The following TMEM45A variants were observed in gnomAD, a reference collection of about 807,000 sequenced individuals.
The protein encoded by TMEM45A is DNA polymerase-transactivated protein 4.
TMEM45A carries 25 observed loss-of-function variants against 32.0 expected under a neutral mutation model. The observed-to-expected ratio is 0.78, with a 90% CI of 0.57 to 1.09. The LOEUF is 1.09. TMEM45A is among the 50% of genes least tolerant of loss of function. The probability of loss-of-function intolerance (pLI) is 0.00; values close to 1 mark genes in which losing one functional copy is unlikely to be tolerated. For missense variants in TMEM45A, 302 were observed against 325.0 expected, an observed-to-expected ratio of 0.93 and a Z score of 0.54; for synonymous variants, 122 against 114.8, an observed-to-expected ratio of 1.06 and a Z score of -0.40.
chr3:100,539,468 T>C (rs368936874), intron 1 of TMEM45A, among the ~76,000 whole-genome samples: 2,148 of 126,992 alleles, frequency 0.017, 158 homozygotes, highest in East Asian at 0.057. Flanking sequence ...TATGTATATG[T>C]ATATGTATAT....
At chr3:100,541,563 C>T (rs1320691091) in intron 1 of TMEM45A, among the ~76,000 whole-genome samples, 1 of 132,610 alleles carries the variant, frequency 7.5e-6, no homozygotes, top group East Asian at 2.3e-4. Flanking sequence ...GGGTCTCACT[C>T]CTGTCACCCA....
At position 100,532,351 on chromosome 3, in the gene TMEM45A, A is replaced by T. The variant is rs762483797; in HGVS notation, c.-3-22858A>T. 2.8e-4 allele frequency among the ~76,000 whole-genome samples: 43 copies of T among 152,204 alleles called. 1 individual carries two copies. Among genetic ancestry groups the T allele is most frequent in the Admixed American group, 1.3e-4 (2 of 15,280 alleles). ...AACTGGAGAGTCTTAGGCTGTACCT[A>T]CACATTACTGTAACAACTTTTTGGA... is the stretch of plus-strand genomic sequence containing the variant. On this transcript the variant is annotated intron_variant, in intron 1 of 5. Coordinates refer to ENST00000323523, the MANE Select transcript of TMEM45A (RefSeq NM_018004.3).
At chr3:100,567,304 C>T (rs1706462126) in intron 4 of TMEM45A, among the ~76,000 whole-genome samples, 1 of 151,886 alleles carries the variant, frequency 6.6e-6, no homozygotes, top group African/African-American at 2.4e-5. Flanking sequence ...TTGTCAAAAA[C>T]CAATTGACCT....
chr3:100,556,964 T>A lies in TMEM45A; in HGVS notation c.395T>A (p.Phe132Tyr). ...LTKLMLSNAL[F>Y]VEAFIFYNHT... ...AAGTTAATGTTGTCAAATGCCTTAT[T>A]TGTGGAGGGTAAGTGTTAGTGAGTA... The change falls in exon 3 of 6, where the codon TTT becomes TAT. Residue 132 changes from phenylalanine to tyrosine, a missense_variant. Transcript: ENST00000323523. 6.2e-7 allele frequency: 1 copy of A among 1,614,142 alleles called. No individual in the cohort carries two copies. The highest frequency in any genetic ancestry group is 8.5e-7 in the Non-Finnish European group (1 of 1,179,992).
intron 1 of TMEM45A, among the ~76,000 whole-genome samples, chr3:100,502,499 C>T (rs1404644981): frequency 6.6e-6 from 1 of 152,136 alleles, no homozygotes; most frequent in East Asian, 1.9e-4. Context: ...CAGGGTCCCA[C>T]TCTGTTGCCC....
intron 1 of TMEM45A, among the ~76,000 whole-genome samples, chr3:100,529,200 A>C (rs1705603310): frequency 6.6e-6 from 1 of 152,246 alleles, no homozygotes; most frequent in Non-Finnish European, 1.5e-5. Flanking sequence ...TGAAGCAATT[A>C]GTTGTAGGCT....
At chr3:100,516,498 C>A (rs1291230827) in intron 1 of TMEM45A, among the ~76,000 whole-genome samples, 1 of 152,136 alleles carries the variant, frequency 6.6e-6, no homozygotes, top group African/African-American at 2.4e-5. Flanking sequence ...ATTGTGAAAC[C>A]ACTGAAGGCA....
intron 1 of TMEM45A, among the ~76,000 whole-genome samples, chr3:100,534,465 C>T (rs912763943): frequency 6.6e-6 from 1 of 152,032 alleles, no homozygotes; most frequent in African/African-American, 2.4e-5. Context: ...TTTGAAGATG[C>T]CATGCTGCTG....
At chr3:100,503,537 A>G (rs7634763) in intron 1 of TMEM45A, among the ~76,000 whole-genome samples, 11,584 of 152,254 alleles carry the variant, frequency 0.076, 1,492 homozygotes, top group African/African-American at 0.26. Context: ...TTTCCTCAAC[A>G]GAAAATTGGG....
intron 1 of TMEM45A, among the ~76,000 whole-genome samples, chr3:100,505,907 GAGA>G (rs1225966250): frequency 1.3e-5 from 2 of 152,198 alleles, no homozygotes; most frequent in Admixed American, 6.5e-5. Context: ...CCAATTTGAG[GAGA>G]AGGTGTGAAG....
intron 4 of TMEM45A, among the ~76,000 whole-genome samples, chr3:100,567,848 A>G (rs1288868489): frequency 1.3e-5 from 2 of 152,062 alleles, no homozygotes; most frequent in African/African-American, 4.8e-5. Flanking sequence ...GCAGTGGCAC[A>G]ATCTCGGCTC....
At chr3:100,540,996 T>C (rs970623298) in intron 1 of TMEM45A, among the ~76,000 whole-genome samples, 2 of 152,186 alleles carry the variant, frequency 1.3e-5, no homozygotes, top group African/African-American at 4.8e-5. Flanking sequence ...CTGTTGTTTA[T>C]TTGACTTTAA....
intron 1 of TMEM45A, among the ~76,000 whole-genome samples, chr3:100,545,256 A>G (rs1472443693): frequency 6.6e-6 from 1 of 152,208 alleles, no homozygotes; most frequent in Non-Finnish European, 1.5e-5. Flanking sequence ...AAAAAGTTTT[A>G]AAGTTGGAAT....
intron 5 of TMEM45A, chr3:100,572,541 T>G (rs1341305309): frequency 3.3e-5 from 5 of 151,606 alleles, no homozygotes; most frequent in Admixed American, 3.3e-4. Flanking sequence ...TTTCTCCCAT[T>G]CTGTAGGTTG....
chr3:100,541,492 T>C (rs1005238722), intron 1 of TMEM45A, among the ~76,000 whole-genome samples: 3 of 151,160 alleles, frequency 2.0e-5, no homozygotes, highest in East Asian at 1.9e-4. Context: ...CCATCTTGAG[T>C]CAATTGTTTT....
chr3:100,535,122 T>C (rs1323350417), intron 1 of TMEM45A, among the ~76,000 whole-genome samples: 1 of 151,636 alleles, frequency 6.6e-6, no homozygotes, highest in East Asian at 1.9e-4. Flanking sequence ...TTTCCTTGGC[T>C]GGGCCTTTTT....
chr3:100,498,501 C>A (rs1005765428), intron 1 of TMEM45A, among the ~76,000 whole-genome samples: 69 of 152,174 alleles, frequency 4.5e-4, no homozygotes, highest in African/African-American at 1.6e-3. Context: ...TGCTAGCCTA[C>A]CCTGTAGGTT....
chr3:100,534,543 A>G (rs1310267324), intron 1 of TMEM45A, among the ~76,000 whole-genome samples: 2 of 152,164 alleles, frequency 1.3e-5, no homozygotes, highest in Non-Finnish European at 2.9e-5. Flanking sequence ...TGGAAAAGGC[A>G]AGGAAAGGGA....
intron 4 of TMEM45A, among the ~76,000 whole-genome samples, chr3:100,564,835 G>C (rs1706397182): frequency 6.6e-6 from 1 of 152,210 alleles, no homozygotes. Context: ...CTGGGAATTA[G>C]AGATGTGGCT....
Sources: gnomAD v4.1 joint callset for allele counts (sites outside exome capture counted in the v4.1 genomes callset) on GRCh38, gnomAD v4.1.1 for gene constraint, MANE v1.5 for transcripts, NCBI Gene and HGNC (gene_info 2026-07-23, HGNC 2026-07-21) for gene names.